The following PRSS23 variants were observed in gnomAD, a reference collection of about 807,000 sequenced individuals.
The protein encoded by PRSS23 is serine protease 23.
In PRSS23, 25 loss-of-function variants were observed where a neutral mutation model predicts 34.7. The ratio of observed to expected loss-of-function variants is 0.72; its 90% CI spans 0.53 to 1.01. The LOEUF (loss-of-function observed/expected upper bound fraction) is 1.01, where lower values mean the gene tolerates loss of function less well. Among genes scored for constraint, PRSS23 ranks in the 50% least tolerant of loss-of-function variants. The probability of loss-of-function intolerance (pLI) is 0.00; values close to 1 mark genes in which losing one functional copy is unlikely to be tolerated. For missense variants in PRSS23, 445 were observed against 475.6 expected (o/e 0.94, Z 0.60); for synonymous variants, 176 against 186.6 (o/e 0.94, Z 0.46).
chr11:86,791,095 T>G (rs982500342), exon 1 of PRSS23: 3 of 152,336 alleles, frequency 2.0e-5, no homozygotes, highest in Non-Finnish European at 4.4e-5. Context: ...CACAGAGCTG[T>G]CACCCTGCAA....
chr11:86,869,817 C>G (rs1948673183), intron 2 of PRSS23, among the ~76,000 whole-genome samples: 2 of 152,202 alleles, frequency 1.3e-5, no homozygotes, highest in South Asian at 4.1e-4. Flanking sequence ...AGCACCGTGT[C>G]TCCTAGATTA....
intron 2 of PRSS23, among the ~76,000 whole-genome samples, chr11:86,869,623 C>T (rs1948671849): frequency 6.6e-6 from 1 of 151,998 alleles, no homozygotes; most frequent in South Asian, 2.1e-4. Flanking sequence ...AATGATGTGT[C>T]CAAGGTTACA....
chr11:86,825,564 G>A (rs1269274920), intron 2 of PRSS23, among the ~76,000 whole-genome samples: 2 of 150,642 alleles, frequency 1.3e-5, no homozygotes, highest in Non-Finnish European at 3.0e-5. Flanking sequence ...CCATGCCTAT[G>A]TCCTGAATGG....
upstream of PRSS23, among the ~76,000 whole-genome samples, chr11:86,799,389 C>G (rs1002542402): frequency 1.3e-5 from 2 of 152,172 alleles, no homozygotes; most frequent in Non-Finnish European, 2.9e-5. Context: ...TGAGAGTAGA[C>G]TTTGATAGGA....
At chr11:86,885,902 A>G (rs1334407501) in intron 2 of PRSS23, among the ~76,000 whole-genome samples, 10 of 152,194 alleles carry the variant, frequency 6.6e-5, no homozygotes, top group Non-Finnish European at 1.2e-4. Flanking sequence ...ATGTCCATCA[A>G]CTTCTCTAAA....
intron 2 of PRSS23, chr11:86,910,542 A>G (rs1430438694): frequency 6.6e-6 from 1 of 152,228 alleles, no homozygotes; most frequent in African/African-American, 2.4e-5. Flanking sequence ...AACAAGGAAT[A>G]TACGTGCAAA....
At position 86,809,027 on chromosome 11, in the gene PRSS23, T is replaced by C. The variant is rs577938418; in HGVS notation, c.*232T>C. 1 of 398,392 alleles carries C rather than the reference T, an allele frequency of 2.5e-6. No individual in the cohort carries two copies. The highest frequency in any genetic ancestry group is 3.8e-5 in the East Asian group (1 of 26,090). The allele number at this position is 398,392 out of a possible 1,614,324, so 24.7% of individuals were successfully genotyped here. ...ATTTAAGCAGTTTGAAGGCATACTT[T>C]TGCATAGAAATAAAAAAAATACTGA... On this transcript the variant is annotated 3_prime_UTR_variant, in exon 2 of 2. Coordinates refer to ENST00000280258, the MANE Select transcript of PRSS23 (RefSeq NM_007173.6).
At chr11:86,900,028 T>G (rs1948901022) in intron 2 of PRSS23, among the ~76,000 whole-genome samples, 1 of 151,978 alleles carries the variant, frequency 6.6e-6, no homozygotes, top group South Asian at 2.1e-4. Flanking sequence ...AGTAGGAAAT[T>G]GAGTTAGATG....
intron 2 of PRSS23, among the ~76,000 whole-genome samples, chr11:86,914,900 A>T (rs1279465595): frequency 1.3e-5 from 2 of 152,194 alleles, no homozygotes; most frequent in Non-Finnish European, 2.9e-5. Context: ...ATTTTGAAAA[A>T]GTTTCAGAAT....
intron 2 of PRSS23, among the ~76,000 whole-genome samples, chr11:86,865,243 A>T (rs538555112): frequency 1.3e-5 from 2 of 152,336 alleles, no homozygotes; most frequent in Non-Finnish European, 2.9e-5. Context: ...TGAGGTTTCA[A>T]TTCCCAGTTC....
chr11:86,852,965 T>A (rs1040398695), intron 2 of PRSS23, among the ~76,000 whole-genome samples: 2 of 152,048 alleles, frequency 1.3e-5, no homozygotes, highest in Admixed American at 1.3e-4. Flanking sequence ...GCGATTCTTG[T>A]GTCTCAGTCT....
chr11:86,852,548 C>T (rs1017215955), intron 2 of PRSS23, among the ~76,000 whole-genome samples: 11 of 152,048 alleles, frequency 7.2e-5, no homozygotes, highest in Non-Finnish European at 1.0e-4. Context: ...AAATATACCA[C>T]ATATAAATAT....
At chr11:86,891,597 CTTTTT>C (rs1948841338) in intron 2 of PRSS23, among the ~76,000 whole-genome samples, 1 of 152,124 alleles carries the variant, frequency 6.6e-6, no homozygotes, top group African/African-American at 2.4e-5. Context: ...TTCTCCTTTT[CTTTTT>C]GTGTTCTTTC....
At chr11:86,939,212 C>G (rs1255312447) in intron 2 of PRSS23, 1 of 290,996 alleles carries the variant, frequency 3.4e-6, no homozygotes, top group Non-Finnish European at 6.8e-6. Context: ...AGTGTGTTTT[C>G]TCCCAAGCAA....
chr11:86,939,471 T>G (rs1467251392), intron 2 of PRSS23, among the ~76,000 whole-genome samples: 1 of 146,712 alleles, frequency 6.8e-6, no homozygotes, highest in Non-Finnish European at 1.5e-5. Flanking sequence ...GACTTAGCTC[T>G]TGAATGGCTA....
At chr11:86,837,081 A>T (rs1466720583) in intron 2 of PRSS23, 1 of 152,214 alleles carries the variant, frequency 6.6e-6, no homozygotes, top group Non-Finnish European at 1.5e-5. Context: ...CAAGAACCAG[A>T]TCATCATATA....
At chr11:86,913,139 C>T (rs1188835235) in intron 2 of PRSS23, among the ~76,000 whole-genome samples, 1 of 151,998 alleles carries the variant, frequency 6.6e-6, no homozygotes, top group Admixed American at 6.6e-5. Flanking sequence ...TTTCTTGGAT[C>T]CTCCTGCCCT....
chr11:86,796,989 A>G (rs190565565), upstream of PRSS23, among the ~76,000 whole-genome samples: 1 of 150,284 alleles, frequency 6.7e-6, no homozygotes, highest in Non-Finnish European at 1.5e-5. Context: ...GCTTTCTCCT[A>G]TATTTGATTT....
intron 2 of PRSS23, chr11:86,933,742 G>A (rs555715427): frequency 6.6e-6 from 1 of 152,304 alleles, no homozygotes; most frequent in Non-Finnish European, 1.5e-5. Context: ...GCTGGAATCT[G>A]AACCAGATCT....
Sources: allele counts gnomAD v4.1 joint callset (sites outside exome capture counted in the v4.1 genomes callset), GRCh38; gene constraint gnomAD v4.1.1; transcripts MANE v1.5; gene names NCBI Gene and HGNC (gene_info 2026-07-23, HGNC 2026-07-21).